RASSF5: variants seen among roughly 807,000 people sequenced by gnomAD.
RASSF5 encodes the protein ras association domain-containing protein 5.
Under a neutral mutation model 40.5 loss-of-function variants are expected in RASSF5, and 25 were observed. The observed-to-expected ratio is 0.62, with a 90% CI of 0.45 to 0.86. The LOEUF is 0.86. Ranked by LOEUF, RASSF5 falls within the 40% of genes least tolerant of loss-of-function variation. The pLI is 0.00. For missense variants in RASSF5, 521 were observed against 572.8 expected (o/e 0.91, Z 0.92); for synonymous variants, 246 against 252.4 (o/e 0.97, Z 0.24).
At chr1:206,563,672 G>T (rs1266693314) in intron 2 of RASSF5, among the ~76,000 whole-genome samples, 3 of 152,182 alleles carry the variant, frequency 2.0e-5, no homozygotes, top group African/African-American at 7.2e-5. Context: ...TTTCCCAGGT[G>T]ATTCTCATAT....
intron 1 of RASSF5, among the ~76,000 whole-genome samples, chr1:206,522,076 C>T (rs575179065): frequency 2.6e-5 from 4 of 152,040 alleles, no homozygotes; most frequent in East Asian, 3.9e-4. Context: ...TCTTTTTTCC[C>T]GTGGTGATGA....
chr1:206,584,721 TCCTA>T lies in RASSF5; in HGVS notation c.988+41_988+44del, dbSNP rs782178957. ...AGTGAACCCAACCAGACCGTTCCCTTCCTACCTGTGTCCAAGCCCACCCACTAAA... is the reference window on the plus strand; with the variant it reads ...AGTGAACCCAACCAGACCGTTCCCTTCCTGTGTCCAAGCCCACCCACTAAA... On this transcript the variant is annotated intron_variant, in intron 4 of 5. Coordinates refer to ENST00000579436, the MANE Select transcript of RASSF5 (RefSeq NM_182663.4). This position sits in a 1 kb window ranked among gnomAD's most constrained non-coding sequence, Gnocchi z 4.9. 9.3e-6 allele frequency: 15 copies of T among 1,610,698 alleles called. No homozygotes were observed. Among genetic ancestry groups the T allele is most frequent in the Non-Finnish European group, 1.1e-5 (13 of 1,177,806 alleles).
Position 206,579,672 on chromosome 1 carries a change from T to A in RASSF5, c.580-3597T>A, listed in dbSNP as rs1359894799. On this transcript the variant is annotated intron_variant, in intron 2 of 5. Transcript: ENST00000579436. The surrounding 1 kb of genome is among the most constrained non-coding windows in gnomAD (Gnocchi z 4.2). ...AAATCAACTAGGAGATTTTTAAAAT[T>A]CCCATGCCCAGACTGCACCCCAGAC... is the stretch of plus-strand genomic sequence containing the variant. Among the ~76,000 whole-genome samples the A allele has an allele frequency of 1.3e-5, 2 of 152,134 alleles. No homozygotes were observed. The highest frequency in any genetic ancestry group is 2.9e-5 in the Non-Finnish European group (2 of 68,008).
In RASSF5 at chr1:206,546,089, ATTTTTTTTTTTTTTTTTTTTTTT is replaced by A. The variant is rs10603701; in HGVS notation, c.579+7811_579+7833del. ...TTTTTCTTTTCTTTCTTCTTTTTCTATTTTTTTTTTTTTTTTTTTTTTTTTTTTTTTTTTTTTGGGACAGGATC... is the reference window on the plus strand; with the variant it reads ...TTTTTCTTTTCTTTCTTCTTTTTCTATTTTTTTTTTTTTTGGGACAGGATC... On this transcript the variant is annotated intron_variant, in intron 2 of 5. Transcript: ENST00000579436. 2.0e-3 allele frequency among the ~76,000 whole-genome samples: 95 copies of A among 48,242 alleles called. 1 individual carries two copies. The highest frequency in any genetic ancestry group is 7.0e-3 in the African/African-American group (86 of 12,348). The allele number at this position is 48,242 out of a possible 152,430, so 31.6% of individuals were successfully genotyped here.
rs191375764 is a variant in RASSF5 at position 206,586,817 on chromosome 1, G to A, written c.1105-9G>A. The stretch of plus-strand genomic sequence containing the variant: ...GTTTCTTCCCACAAATCTCCCTCTC[G>A]CCTCACAGTGGGATGCCTTCTCCAT... On this transcript the variant is annotated splice_polypyrimidine_tract_variant and intron_variant, in intron 5 of 5. Transcript: ENST00000579436. The A allele has an allele frequency of 3.9e-4, 630 of 1,610,334 alleles. 1 individual carries two copies. The highest frequency in any genetic ancestry group is 8.5e-4 in the Admixed American group (51 of 59,874).
At chr1:206,568,065 A>AAAGGATG (rs1485141892) in intron 2 of RASSF5, among the ~76,000 whole-genome samples, 2 of 152,112 alleles carry the variant, frequency 1.3e-5, no homozygotes, top group Non-Finnish European at 2.9e-5. Context: ...TTGACCTCAC[A>AAAGGATG]AAGGATGCCC....
chr1:206,573,857 T>C (rs549166567), intron 2 of RASSF5, among the ~76,000 whole-genome samples: 1 of 152,094 alleles, frequency 6.6e-6, no homozygotes, highest in South Asian at 2.1e-4. Context: ...AAAAACAAAA[T>C]AGAAATCGGA....
chr1:206,574,368 C>T (rs1464769138), intron 2 of RASSF5, among the ~76,000 whole-genome samples: 1 of 152,210 alleles, frequency 6.6e-6, no homozygotes, highest in Non-Finnish European at 1.5e-5. Context: ...GGGTCACATC[C>T]CATCTGCGTC....
chr1:206,513,347 G>T lies in RASSF5; in HGVS notation c.457+5288G>T, dbSNP rs745889559. On this transcript the variant is annotated intron_variant, in intron 1 of 5. Transcript: ENST00000579436. This position sits in a 1 kb window ranked among gnomAD's most constrained non-coding sequence, Gnocchi z 5.0. ...GCCTCACCAGAGGCCCTTCCTGTTCGCATTCCTCAGATGGCAAGGTGAGTA... is the reference window on the plus strand; with the variant it reads ...GCCTCACCAGAGGCCCTTCCTGTTCTCATTCCTCAGATGGCAAGGTGAGTA... Among the ~76,000 whole-genome samples the T allele has an allele frequency of 1.3e-5, 2 of 152,198 alleles. No individual in the cohort carries two copies. The highest frequency in any genetic ancestry group is 2.9e-5 in the Non-Finnish European group (2 of 68,020).
intron 2 of RASSF5, among the ~76,000 whole-genome samples, chr1:206,570,216 C>T (rs551729369): frequency 3.3e-5 from 5 of 151,458 alleles, no homozygotes; most frequent in Admixed American, 2.6e-4. Flanking sequence ...CTCAGCCTCC[C>T]GAGTAGCTGG....
At chr1:206,551,073 G>A (rs1371814785) in intron 2 of RASSF5, among the ~76,000 whole-genome samples, 1 of 152,032 alleles carries the variant, frequency 6.6e-6, no homozygotes, top group Admixed American at 6.6e-5. Flanking sequence ...AGAAATGAGA[G>A]GAACTCACCA....
At chr1:206,534,794 G>A (rs1667336589) in intron 1 of RASSF5, among the ~76,000 whole-genome samples, 1 of 152,218 alleles carries the variant, frequency 6.6e-6, no homozygotes, top group South Asian at 2.1e-4. Context: ...CTAGCACAGA[G>A]CACGAGGAAG....
At chr1:206,509,892 C>T (rs782140803) in intron 1 of RASSF5, among the ~76,000 whole-genome samples, 2 of 152,088 alleles carry the variant, frequency 1.3e-5, no homozygotes, top group Non-Finnish European at 2.9e-5. Context: ...TCTAGGCCCC[C>T]GGGCAGTACC....
chr1:206,561,663 C>CTTTT (rs61094454), intron 2 of RASSF5, among the ~76,000 whole-genome samples: 2 of 118,012 alleles, frequency 1.7e-5, no homozygotes, highest in Non-Finnish European at 3.4e-5. Context: ...TTTTCTTTTT[C>CTTTT]TTTTTTTTTT....
At chr1:206,511,358 A>T (rs1666607458) in intron 1 of RASSF5, among the ~76,000 whole-genome samples, 1 of 152,234 alleles carries the variant, frequency 6.6e-6, no homozygotes, top group Non-Finnish European at 1.5e-5. Context: ...TTCCCCTTAC[A>T]GATGACGTCC....
At chr1:206,538,466 C>G (rs1204629284) in intron 2 of RASSF5, among the ~76,000 whole-genome samples, 173 bp downstream of exon 2, 2 of 152,228 alleles carry the variant, frequency 1.3e-5, no homozygotes, top group African/African-American at 2.4e-5. Context: ...GGAAGTGACA[C>G]AGAGAACTCT....
At position 206,538,413 on chromosome 1, in the gene RASSF5, C is replaced by A. The variant is rs954114174; in HGVS notation, c.579+120C>A. ...GGCATGAGGCCTCAGATTCCACATG[C>A]ACTGGATGGAGTTCACAGACACCCT... On this transcript the variant is annotated intron_variant, in intron 2 of 5. Coordinates refer to ENST00000579436, the MANE Select transcript of RASSF5 (RefSeq NM_182663.4). 60 of 1,336,300 alleles carry A rather than the reference C, an allele frequency of 4.5e-5. 1 individual carries two copies. The highest frequency in any genetic ancestry group is 5.9e-5 in the Non-Finnish European group (56 of 954,234). 82.8% of individuals were successfully genotyped at this position (1,336,300 alleles called of 1,614,324 possible). A position where few individuals can be genotyped will look rare whatever the true frequency, so the allele number is the denominator to read the frequency against.
Position 206,579,834 on chromosome 1 carries a change from C to T in RASSF5, c.580-3435C>T, listed in dbSNP as rs1208738141. On this transcript the variant is annotated intron_variant, in intron 2 of 5. Coordinates refer to ENST00000579436, the MANE Select transcript of RASSF5 (RefSeq NM_182663.4). The surrounding 1 kb of genome is among the most constrained non-coding windows in gnomAD (Gnocchi z 4.2). ...CCATCTCTTGGGTGGAAAAAGGATC[C>T]GTGAGCCCTCGTGGCTGTGGCTGGC... Among the ~76,000 whole-genome samples, 13 of 152,274 alleles carry T rather than the reference C, an allele frequency of 8.5e-5. No homozygotes were observed. In the South Asian group the frequency reaches 1.9e-3, roughly 22 times the overall value.
intron 2 of RASSF5, among the ~76,000 whole-genome samples, chr1:206,567,378 A>G (rs1668317147): frequency 6.6e-6 from 1 of 152,154 alleles, no homozygotes; most frequent in South Asian, 2.1e-4. Flanking sequence ...GAAGAAACCC[A>G]TAAATCTTTT....
Sources: gnomAD v4.1 joint callset for allele counts (sites outside exome capture counted in the v4.1 genomes callset) on GRCh38, gnomAD v4.1.1 for gene constraint, Gnocchi (gnomAD v3.1) non-coding constraint, MANE v1.5 for transcripts, NCBI Gene and HGNC (gene_info 2026-07-23, HGNC 2026-07-21) for gene names.